The following TOM1L2 variants were observed in gnomAD, a reference collection of about 807,000 sequenced individuals.
TOM1L2 encodes TOM1-like protein 2.
A neutral mutation model predicts 67.9 loss-of-function variants in TOM1L2; 31 were observed. That is an observed-to-expected ratio of 0.46 (90% CI 0.34 to 0.62). The LOEUF (loss-of-function observed/expected upper bound fraction) is 0.62. Ranked by LOEUF, TOM1L2 falls within the 20% of genes least tolerant of loss-of-function variation. TOM1L2 has a pLI of 0.01. For missense variants in TOM1L2, 606 were observed against 663.5 expected (o/e 0.91, Z 0.95); for synonymous variants, 256 against 254.0 (o/e 1.01, Z -0.07).
At chr17:17,931,807 T>A (rs1158243307) in intron 1 of TOM1L2, among the ~76,000 whole-genome samples, 1 of 152,240 alleles carries the variant, frequency 6.6e-6, no homozygotes, top group Non-Finnish European at 1.5e-5. Context: ...CTTGAGGGTC[T>A]CAACACACTG....
At chr17:17,914,264 A>C (rs1268358206) in intron 1 of TOM1L2, among the ~76,000 whole-genome samples, 3 of 152,120 alleles carry the variant, frequency 2.0e-5, no homozygotes, top group Non-Finnish European at 4.4e-5. Flanking sequence ...TGTCTGGATA[A>C]GCCATAGGGT....
intron 7 of TOM1L2, among the ~76,000 whole-genome samples, chr17:17,874,606 A>C (rs940735416): frequency 6.6e-6 from 1 of 152,180 alleles, no homozygotes; most frequent in Admixed American, 6.5e-5. Flanking sequence ...AAAGTGTTAG[A>C]TGATTTCTGA....
chr17:17,896,622 C>T (rs2038585300), intron 3 of TOM1L2, among the ~76,000 whole-genome samples: 1 of 152,170 alleles, frequency 6.6e-6, no homozygotes, highest in South Asian at 2.1e-4. Context: ...CCCTGCCAAA[C>T]AGGACCCTGG....
chr17:17,866,848 G>C (rs143054062), intron 9 of TOM1L2, 28 bp downstream of exon 9: 2 of 1,610,176 alleles, frequency 1.2e-6, no homozygotes, highest in African/African-American at 2.7e-5. Context: ...GGCCTCAGGA[G>C]ATGACAGGAT....
At position 17,893,704 on chromosome 17, in the gene TOM1L2, T is replaced by C; in HGVS notation, c.323A>G (p.Asn108Ser). ...TTTGTCCTGTACAATGGTGGGAGGG[T>C]TGTTCTTGGGAGATATAATTTTGAC... ...VLVKIISPKN[N>S]PPTIVQDKVL... Residue 108 changes from asparagine (N) to serine (S), a missense_variant, in exon 4 of 15, where the codon AAC (asparagine) becomes AGC (serine). Physicochemically the swap from Asn to Ser is conservative, Grantham distance 46. Coordinates refer to ENST00000379504, the MANE Select transcript of TOM1L2 (RefSeq NM_001082968.2). 1 of 1,614,012 alleles carries C rather than the reference T, an allele frequency of 6.2e-7. No homozygotes were observed. The highest frequency in any genetic ancestry group is 8.5e-7 in the Non-Finnish European group (1 of 1,180,002).
chr17:17,929,133 T>C (rs1199403119), intron 1 of TOM1L2, among the ~76,000 whole-genome samples: 4 of 152,178 alleles, frequency 2.6e-5, no homozygotes, highest in Non-Finnish European at 5.9e-5. Context: ...GCTGGCACTA[T>C]AGTAAAGGGT....
intron 1 of TOM1L2, among the ~76,000 whole-genome samples, chr17:17,911,162 G>T (rs1312894651): frequency 1.3e-5 from 2 of 152,192 alleles, no homozygotes; most frequent in African/African-American, 4.8e-5. Context: ...TGCTGTCAGC[G>T]TCAAGGCTTC....
chr17:17,956,032 A>G (rs1005139580), intron 1 of TOM1L2, among the ~76,000 whole-genome samples: 4 of 152,244 alleles, frequency 2.6e-5, no homozygotes, highest in Non-Finnish European at 5.9e-5. Flanking sequence ...GTTACAGCTC[A>G]TAAAAGCAGT....
chr17:17,939,090 C>T (rs890034584), intron 1 of TOM1L2, among the ~76,000 whole-genome samples: 1 of 152,228 alleles, frequency 6.6e-6, no homozygotes, highest in Non-Finnish European at 1.5e-5. Flanking sequence ...GATATACAGA[C>T]AGCCTCTAAG....
chr17:17,912,987 C>T (rs1470194250), intron 1 of TOM1L2, among the ~76,000 whole-genome samples: 1 of 152,296 alleles, frequency 6.6e-6, no homozygotes, highest in African/African-American at 2.4e-5. Context: ...AGCTGGAGAC[C>T]GGCCAGGCCA....
chr17:17,918,576 T>C (rs904691433), intron 1 of TOM1L2, among the ~76,000 whole-genome samples: 4 of 152,178 alleles, frequency 2.6e-5, no homozygotes, highest in African/African-American at 7.2e-5. Flanking sequence ...TGCAGGTCTT[T>C]GCAAGCCCTG....
At chr17:17,871,924 C>T in intron 7 of TOM1L2, 1 of 927,886 alleles carries the variant, frequency 1.1e-6, no homozygotes, top group Non-Finnish European at 1.3e-6. Context: ...TTGCAGGGGA[C>T]ACTACTATCC....
rs201716163 is a variant in TOM1L2, at chr17:17,898,635, G to A, written c.177C>T (p.Asn59=). Residue 59 remains asparagine, a synonymous_variant, in exon 3 of 15, where the codon AAC becomes AAT. Transcript: ENST00000379504. ...DAIRALKKRL[N]GNRNYREVML... Reference sequence around the variant, plus strand: ...TCACCTCTCTGTAGTTCCGGTTCCCGTTGAGCCGCTTCTTCAGGGCTCGAA... The same window carrying A: ...TCACCTCTCTGTAGTTCCGGTTCCCATTGAGCCGCTTCTTCAGGGCTCGAA... The A allele has an allele frequency of 1.3e-4, 216 of 1,614,188 alleles. No homozygotes were observed. Among genetic ancestry groups the A allele is most frequent in the East Asian group, 9.8e-4 (44 of 44,884 alleles).
At chr17:17,948,807 G>C (rs2041062513) in intron 1 of TOM1L2, among the ~76,000 whole-genome samples, 1 of 152,078 alleles carries the variant, frequency 6.6e-6, no homozygotes, top group African/African-American at 2.4e-5. Flanking sequence ...GGAAGGGCTT[G>C]CTTCCCCCTA....
intron 2 of TOM1L2, among the ~76,000 whole-genome samples, chr17:17,902,033 G>A (rs909612618): frequency 1.4e-4 from 21 of 152,140 alleles, no homozygotes; most frequent in South Asian, 4.1e-4. Flanking sequence ...AAAATTAGCC[G>A]GGCGTGGTGG....
At chr17:17,872,811 C>T (rs934710418) in intron 7 of TOM1L2, among the ~76,000 whole-genome samples, 2 of 152,228 alleles carry the variant, frequency 1.3e-5, no homozygotes, top group African/African-American at 4.8e-5. Flanking sequence ...AAAGTGTGGC[C>T]TCTGGGGCTT....
intron 1 of TOM1L2, among the ~76,000 whole-genome samples, chr17:17,935,392 C>A (rs914747782): frequency 6.6e-6 from 1 of 152,178 alleles, no homozygotes; most frequent in African/African-American, 2.4e-5. Context: ...TTAAGAACTC[C>A]TTGATTTAAA....
chr17:17,956,571 G>C (rs1433492365), intron 1 of TOM1L2, among the ~76,000 whole-genome samples: 1 of 152,210 alleles, frequency 6.6e-6, no homozygotes, highest in African/African-American at 2.4e-5. Flanking sequence ...GGGAGGTTCG[G>C]GCCGCATAGG....
intron 12 of TOM1L2, 170 bp from the exon 13 acceptor site, chr17:17,851,122 G>T: frequency 1.5e-6 from 1 of 646,912 alleles, no homozygotes; most frequent in Non-Finnish European, 2.7e-6. Context: ...GGGCAGCCAC[G>T]TGTGAGATGG....
Sources: gnomAD v4.1 joint callset for allele counts (sites outside exome capture counted in the v4.1 genomes callset) on GRCh38, gnomAD v4.1.1 for gene constraint, MANE v1.5 for transcripts, NCBI Gene and HGNC (gene_info 2026-07-23, HGNC 2026-07-21) for gene names.